The following RHOH variants were observed in gnomAD, a reference collection of about 807,000 sequenced individuals.
RHOH encodes the protein ras homolog family member H.
RHOH carries 6 observed loss-of-function variants against 13.8 expected under a neutral mutation model. The observed-to-expected ratio is 0.44, with a 90% CI of 0.24 to 0.86. The LOEUF (loss-of-function observed/expected upper bound fraction) is 0.86, where lower values mean the gene tolerates loss of function less well. Ranked by LOEUF, RHOH falls within the 40% of genes least tolerant of loss-of-function variation. The pLI is 0.24. For synonymous variants in RHOH, 117 were observed against 103.0 expected, an observed-to-expected ratio of 1.14 and a Z score of -0.82; for missense variants, 147 against 244.5, an observed-to-expected ratio of 0.60 and a Z score of 2.66.
At chr4:40,196,592 GCAGA>G (rs1334916151), upstream of RHOH, among the ~76,000 whole-genome samples, 3 of 151,922 alleles carry the variant, frequency 2.0e-5, no homozygotes, top group Admixed American at 2.0e-4. Flanking sequence ...GCAAAGCGAA[GCAGA>G]CAATCCACCT....
chr4:40,202,585 G>A (rs1360214089), intron 1 of RHOH, among the ~76,000 whole-genome samples: 1 of 152,188 alleles, frequency 6.6e-6, no homozygotes, highest in Non-Finnish European at 1.5e-5. Context: ...ACCTTTAACC[G>A]GTAGATGTTA....
upstream of RHOH, chr4:40,193,085 G>A (rs997332699): frequency 4.6e-5 from 7 of 152,556 alleles, no homozygotes; most frequent in African/African-American, 1.7e-4. Flanking sequence ...TGGACCCTGA[G>A]CCCTGGGACC....
chr4:40,222,663 G>C (rs893767070), intron 1 of RHOH, among the ~76,000 whole-genome samples: 1 of 152,190 alleles, frequency 6.6e-6, no homozygotes, highest in Non-Finnish European at 1.5e-5. Context: ...AGATGTACAA[G>C]GAGATTAATG....
upstream of RHOH, among the ~76,000 whole-genome samples, chr4:40,194,029 T>C (rs1186249397): frequency 2.0e-5 from 3 of 152,282 alleles, no homozygotes; most frequent in East Asian, 1.9e-4. Context: ...GATCTGTCCA[T>C]ACAGGCAGCT....
intron 1 of RHOH, among the ~76,000 whole-genome samples, chr4:40,207,197 C>A (rs1252981415): frequency 6.7e-6 from 1 of 149,892 alleles, no homozygotes; most frequent in Non-Finnish European, 1.5e-5. Context: ...CAGACTGAGA[C>A]TCCATCTCAA....
At chr4:40,216,026 C>T (rs1725834527) in intron 1 of RHOH, among the ~76,000 whole-genome samples, 1 of 152,118 alleles carries the variant, frequency 6.6e-6, no homozygotes, top group African/African-American at 2.4e-5. Flanking sequence ...ATGAAGCCAT[C>T]GGAACTGCAG....
At chr4:40,210,359 T>C (rs1204297291) in intron 1 of RHOH, among the ~76,000 whole-genome samples, 3 of 152,212 alleles carry the variant, frequency 2.0e-5, no homozygotes, top group African/African-American at 7.2e-5. Context: ...TAAGACTGCC[T>C]GCCATTTTGT....
Position 40,245,159 on chromosome 4 carries a change from C to T in RHOH, c.*1197C>T, listed in dbSNP as rs1024650713. On this transcript the variant is annotated 3_prime_UTR_variant, in exon 3 of 3. Transcript: ENST00000381799. ...CTCGCACACAACCTGCTCTCACACA[C>T]ACAACTCAAACCTCATTCTATCGAA... 2 of 152,204 alleles carry T rather than the reference C, an allele frequency of 1.3e-5. No individual in the cohort carries two copies. Among genetic ancestry groups the T allele is most frequent in the Non-Finnish European group, 2.9e-5 (2 of 68,044 alleles). 9.4% of individuals were successfully genotyped at this position (152,204 alleles called of 1,614,324 possible). A position where few individuals can be genotyped will look rare whatever the true frequency, so the allele number is the denominator to read the frequency against.
intron 1 of RHOH, among the ~76,000 whole-genome samples, chr4:40,202,728 TA>T: frequency 6.6e-6 from 1 of 152,138 alleles, no homozygotes; most frequent in East Asian, 1.9e-4. Flanking sequence ...GAGGACTTGC[TA>T]AAAGTAGACT....
At chr4:40,191,212 C>G (rs1722697405), upstream of RHOH, 1 of 152,184 alleles carries the variant, frequency 6.6e-6, no homozygotes, top group Non-Finnish European at 1.5e-5. Context: ...AACTCCTCCT[C>G]TGGACTCACT....
rs1726093555 is a variant in RHOH at position 40,218,070 on chromosome 4, A to C, written c.-331+20770A>C. 1 of 152,190 alleles carries C rather than the reference A, an allele frequency of 6.6e-6. No homozygotes were observed. The highest frequency in any genetic ancestry group is 6.5e-5 in the Admixed American group (1 of 15,278). 9.4% of individuals were successfully genotyped at this position (152,190 alleles called of 1,614,324 possible). On this transcript the variant is annotated intron_variant, in intron 1 of 2. Coordinates refer to ENST00000381799, the MANE Select transcript of RHOH (RefSeq NM_004310.5). This position sits in a 1 kb window ranked among gnomAD's most constrained non-coding sequence, Gnocchi z 4.1. Reference sequence around the variant, plus strand: ...ATGGAGTGCTTTGTACAAGGTACAAAACTTCTGTCCTTGGTATGAACATTT... The same window carrying C: ...ATGGAGTGCTTTGTACAAGGTACAACACTTCTGTCCTTGGTATGAACATTT...
intron 1 of RHOH, among the ~76,000 whole-genome samples, chr4:40,212,974 T>A (rs1725442854): frequency 6.6e-6 from 1 of 152,344 alleles, no homozygotes; most frequent in Admixed American, 6.5e-5. Flanking sequence ...GAGTCCCTAA[T>A]AATCTCAGAG....
At chr4:40,215,266 T>G (rs1725739072) in intron 1 of RHOH, among the ~76,000 whole-genome samples, 1 of 152,174 alleles carries the variant, frequency 6.6e-6, no homozygotes, top group Non-Finnish European at 1.5e-5. Context: ...CCACCGCAAT[T>G]TCTCTTCTCC....
chr4:40,213,705 C>T (rs970502298), intron 1 of RHOH, among the ~76,000 whole-genome samples: 3 of 151,938 alleles, frequency 2.0e-5, no homozygotes, highest in Admixed American at 1.3e-4. Flanking sequence ...TGCCCTAGAC[C>T]GCTGCTCCTG....
chr4:40,193,404 G>C (rs1722806250), upstream of RHOH, among the ~76,000 whole-genome samples: 1 of 149,952 alleles, frequency 6.7e-6, no homozygotes, highest in Admixed American at 6.8e-5. Context: ...GTGAATGTTT[G>C]CATGTATTTT....
chr4:40,233,206 G>A (rs1290910135), intron 1 of RHOH, among the ~76,000 whole-genome samples: 1 of 152,092 alleles, frequency 6.6e-6, no homozygotes, highest in Non-Finnish European at 1.5e-5. Context: ...ACCTTGTAAG[G>A]TAGGTATCAT....
chr4:40,202,878 A>G (rs2109364522), intron 1 of RHOH, among the ~76,000 whole-genome samples: 1 of 152,206 alleles, frequency 6.6e-6, no homozygotes, highest in South Asian at 2.1e-4. Context: ...CTCCATTTTG[A>G]CCTGAAAAAA....
At chr4:40,197,652 T>C (rs1723371295) in intron 1 of RHOH, among the ~76,000 whole-genome samples, 1 of 152,298 alleles carries the variant, frequency 6.6e-6, no homozygotes. Context: ...AAAGATGCTC[T>C]AAGTTGTGCA....
chr4:40,208,608 G>A (rs1387739384), intron 1 of RHOH, among the ~76,000 whole-genome samples: 3 of 152,054 alleles, frequency 2.0e-5, no homozygotes, highest in African/African-American at 4.8e-5. Flanking sequence ...GGAGGCTTTC[G>A]AAAGGCCTTT....
Sources: allele counts gnomAD v4.1 joint callset (sites outside exome capture counted in the v4.1 genomes callset), GRCh38; gene constraint gnomAD v4.1.1; non-coding constraint Gnocchi (gnomAD v3.1); transcripts MANE v1.5; gene names NCBI Gene and HGNC (gene_info 2026-07-23, HGNC 2026-07-21).